USP8: variants seen among roughly 807,000 people sequenced by gnomAD.
USP8 encodes the protein ubiquitin carboxyl-terminal hydrolase 8.
USP8 carries 27 observed loss-of-function variants against 130.0 expected under a neutral mutation model. That is an observed-to-expected ratio of 0.21 (90% CI 0.15 to 0.29). USP8 has a LOEUF of 0.29. Ranked by LOEUF, USP8 falls within the 10% of genes least tolerant of loss-of-function variation. The pLI is 1.00. For synonymous variants in USP8, 392 were observed against 444.1 expected, an observed-to-expected ratio of 0.88 and a Z score of 1.48; for missense variants, 1,029 against 1,312.2, an observed-to-expected ratio of 0.78 and a Z score of 3.33.
At chr15:50,484,673 C>G (rs2051890377) in intron 12 of USP8, among the ~76,000 whole-genome samples, 1 of 152,138 alleles carries the variant, frequency 6.6e-6, no homozygotes, top group Non-Finnish European at 1.5e-5. Flanking sequence ...GAATTGCAAA[C>G]AAGAAGTATT....
chr15:50,494,241 T>C lies in USP8; in HGVS notation c.2619T>C (p.Leu873=). ...GTCAGCAAGATTCACAAGAATTGCT[T>C]CTGTTCCTAATGGATGGTCTCCATG... ...GYSQQDSQEL[L]LFLMDGLHED... The change falls in exon 16 of 20, where the codon CTT becomes CTC. Residue 873 remains leucine, a synonymous_variant. Coordinates refer to ENST00000307179, the MANE Select transcript of USP8 (RefSeq NM_005154.5). The C allele has an allele frequency of 2.5e-6, 4 of 1,612,566 alleles. No individual in the cohort carries two copies. Among genetic ancestry groups the C allele is most frequent in the Non-Finnish European group, 3.4e-6 (4 of 1,179,686 alleles).
At chr15:50,498,837 C>T (rs2052512476) in intron 19 of USP8, 66 bp from the exon 20 acceptor site, 5 of 1,549,234 alleles carry the variant, frequency 3.2e-6, no homozygotes, top group Non-Finnish European at 3.5e-6. Flanking sequence ...AGCTTTGAAA[C>T]TATTGGCGTA....
Position 50,513,491 on chromosome 15 carries a change from T to TGAGTTC in USP8, c.*14407_*14412dup. ...GAGGGAGGTGGATCACCTGAGGTCA[T>TGAGTTC]GAGTTCGAGACAAGAGCGAAACTGT... On this transcript the variant is annotated 3_prime_UTR_variant, in exon 20 of 20. Coordinates refer to ENST00000307179, the MANE Select transcript of USP8 (RefSeq NM_005154.5). 7.5e-6 allele frequency: 1 copy of TGAGTTC among 132,934 alleles called. No homozygotes were observed. The highest frequency in any genetic ancestry group is 2.9e-5 in the African/African-American group (1 of 34,468). 8.2% of individuals were successfully genotyped at this position (132,934 alleles called of 1,614,324 possible).
chr15:50,444,930 T>A (rs1018940209), intron 3 of USP8, among the ~76,000 whole-genome samples: 1 of 152,020 alleles, frequency 6.6e-6, no homozygotes, highest in African/African-American at 2.4e-5. Flanking sequence ...GCTAATTTTT[T>A]AATTTTTAGT....
intron 1 of USP8, among the ~76,000 whole-genome samples, chr15:50,438,429 C>G (rs916315786): frequency 1.3e-4 from 20 of 152,124 alleles, no homozygotes; most frequent in African/African-American, 4.8e-4. Flanking sequence ...ACTGAAAACA[C>G]AAAAACTAGC....
rs2141336218 is a variant in USP8 at position 50,500,728 on chromosome 15, G to T, written c.*1640G>T. On this transcript the variant is annotated 3_prime_UTR_variant, in exon 20 of 20. Coordinates refer to ENST00000307179, the MANE Select transcript of USP8 (RefSeq NM_005154.5). ...GAGATCCATAGCATTTTGAACAGAA[G>T]TATCTGGAATCTCACTGACTCGTGT... The T allele has an allele frequency of 6.5e-7, 1 of 1,540,688 alleles. No individual in the cohort carries two copies. Among genetic ancestry groups the T allele is most frequent in the East Asian group, 2.4e-5 (1 of 42,104 alleles).
intron 1 of USP8, among the ~76,000 whole-genome samples, chr15:50,425,208 A>T (rs903943811): frequency 6.6e-6 from 1 of 152,218 alleles, no homozygotes. Context: ...TTTACCTGAC[A>T]CGGAGGTGTT....
chr15:50,443,772 A>G (rs928730042), intron 3 of USP8, among the ~76,000 whole-genome samples: 3 of 152,030 alleles, frequency 2.0e-5, no homozygotes, highest in Non-Finnish European at 1.5e-5. Context: ...TTGAGCCATC[A>G]TGCCTGGCCA....
intron 12 of USP8, among the ~76,000 whole-genome samples, chr15:50,487,884 CAGTATA>C (rs773427115): frequency 6.6e-6 from 1 of 152,142 alleles, no homozygotes; most frequent in African/African-American, 2.4e-5. Context: ...AGGTCATAAT[CAGTATA>C]AGTATAAGCC....
rs1177052786 is a variant in USP8, at chr15:50,501,714, G to GA, written c.*2627dup. ...AGTATTGTTTGGAACAAAGGCATTA[G>GA]AGAGGTGTACTTCCAAGGAGGTGTT... is the stretch of plus-strand genomic sequence containing the variant. On this transcript the variant is annotated 3_prime_UTR_variant, in exon 20 of 20. Transcript: ENST00000307179. The GA allele has an allele frequency of 6.6e-6, 1 of 152,118 alleles. No individual in the cohort carries two copies. The highest frequency in any genetic ancestry group is 1.9e-4 in the East Asian group (1 of 5,196). 9.4% of individuals were successfully genotyped at this position (152,118 alleles called of 1,614,324 possible).
At chr15:50,431,163 C>CCTGTGTGTGTGTGTGTGTG (rs1179902446) in intron 1 of USP8, among the ~76,000 whole-genome samples, 37 of 10,758 alleles carry the variant, frequency 3.4e-3, no homozygotes, top group African/African-American at 0.019. Flanking sequence ...GTGTGTGTGC[C>CCTGTGTGTGTGTGTGTGTG]TCTGTGTGTG....
At chr15:50,494,990 G>A (rs909194723) in intron 16 of USP8, among the ~76,000 whole-genome samples, 1 of 148,146 alleles carries the variant, frequency 6.8e-6, no homozygotes, top group Non-Finnish European at 1.5e-5. Context: ...CTGCACTCCA[G>A]CCTGGGCGAC....
chr15:50,494,405 G>A, intron 16 of USP8, 125 bp downstream of exon 16: 1 of 740,240 alleles, frequency 1.4e-6, no homozygotes, highest in Non-Finnish European at 2.1e-6. Flanking sequence ...AATAGTGACT[G>A]TATAAGAGAA....
At chr15:50,466,823 C>T (rs1055337337) in intron 7 of USP8, 4 of 301,246 alleles carry the variant, frequency 1.3e-5, no homozygotes, top group Non-Finnish European at 2.0e-5. Context: ...TGAGCCACAG[C>T]ATAAAATCCC....
chr15:50,443,037 A>T (rs1186009773), intron 3 of USP8, among the ~76,000 whole-genome samples: 2 of 152,056 alleles, frequency 1.3e-5, no homozygotes, highest in East Asian at 1.9e-4. Context: ...ATCTTTTTAA[A>T]TTTTTTTAAT....
In USP8 at chr15:50,494,249, T is replaced by C; in HGVS notation, c.2627T>C (p.Leu876Pro). The C allele has an allele frequency of 6.2e-7, 1 of 1,611,358 alleles. No individual in the cohort carries two copies. Among genetic ancestry groups the C allele is most frequent in the Non-Finnish European group, 8.5e-7 (1 of 1,179,420 alleles). The change falls in exon 16 of 20, where the codon CTA becomes CCA. Residue 876 changes from leucine to proline, a missense_variant. Leu to Pro is a moderately conservative substitution (Grantham distance 98). Transcript: ENST00000307179. ...QQDSQELLLF[L>P]MDGLHEDLNK... ...GATTCACAAGAATTGCTTCTGTTCC[T>C]AATGGATGGTCTCCATGAAGATCTA... is the stretch of plus-strand genomic sequence containing the variant.
chr15:50,442,576 T>G (rs2050295469), intron 3 of USP8, among the ~76,000 whole-genome samples: 1 of 149,128 alleles, frequency 6.7e-6, no homozygotes, highest in African/African-American at 2.4e-5. Context: ...AAACCCCATC[T>G]GTACTAAAAG....
At chr15:50,452,606 A>G (rs1280525574) in intron 4 of USP8, among the ~76,000 whole-genome samples, 5 of 152,206 alleles carry the variant, frequency 3.3e-5, no homozygotes, top group Non-Finnish European at 7.3e-5. Context: ...GAGCACTACT[A>G]GAGAAGAAAT....
chr15:50,509,714 A>G lies in USP8; in HGVS notation c.*10626A>G. 6.6e-6 allele frequency: 1 copy of G among 152,182 alleles called. No individual in the cohort carries two copies. The highest frequency in any genetic ancestry group is 1.9e-4 in the East Asian group (1 of 5,204). The allele number at this position is 152,182 out of a possible 1,614,324, so 9.4% of individuals were successfully genotyped here. A position where few individuals can be genotyped will look rare whatever the true frequency, so the allele number is the denominator to read the frequency against. ...TCAACGATAAAATTAAAAATGAAAA[A>G]ACATGTAATAGCTACAGATCCTGAA... On this transcript the variant is annotated 3_prime_UTR_variant, in exon 20 of 20. Transcript: ENST00000307179.
Sources: gnomAD v4.1 joint callset for allele counts (sites outside exome capture counted in the v4.1 genomes callset) on GRCh38, gnomAD v4.1.1 for gene constraint, MANE v1.5 for transcripts, NCBI Gene and HGNC (gene_info 2026-07-23, HGNC 2026-07-21) for gene names.